Variants in KLHL26 observed in about 807,000 individuals in gnomAD.
KLHL26 encodes the protein kelch-like protein 26.
Under a neutral mutation model 7.1 loss-of-function variants are expected in KLHL26, and 4 were observed. That is an observed-to-expected ratio of 0.56 (90% CI 0.28 to 1.28). The LOEUF (loss-of-function observed/expected upper bound fraction) is 1.28. KLHL26 is among the 50% of genes most tolerant of loss of function. KLHL26 has a pLI of 0.11. For synonymous variants in KLHL26, 465 were observed against 414.1 expected (o/e 1.12, Z -1.49); for missense variants, 896 against 924.6 (o/e 0.97, Z 0.40).
In KLHL26 at chr19:18,668,123, G is replaced by C; in HGVS notation, c.726G>C (p.Pro242=). ...RWLQHDPARR[P]RASHVLCHIR... is the part of the protein sequence containing the mutation. Reference sequence around the variant, plus strand: ...TGCAGCATGACCCGGCCCGGCGGCCGCGCGCCAGCCACGTGCTCTGCCACA... The same window carrying C: ...TGCAGCATGACCCGGCCCGGCGGCCCCGCGCCAGCCACGTGCTCTGCCACA... Residue 242 remains proline (P), a synonymous_variant, in exon 3 of 3, where the codon CCG becomes CCC. Transcript: ENST00000300976. 1 of 1,599,230 alleles carries C rather than the reference G, an allele frequency of 6.3e-7. No homozygotes were observed. Among genetic ancestry groups the C allele is most frequent in the Non-Finnish European group, 8.5e-7 (1 of 1,177,996 alleles).
chr19:18,644,926 C>T (rs972550647), intron 1 of KLHL26, among the ~76,000 whole-genome samples: 40 of 152,144 alleles, frequency 2.6e-4, no homozygotes, highest in African/African-American at 9.2e-4. Context: ...GCTCCCCCAC[C>T]CCCGACCGCC....
intron 2 of KLHL26, among the ~76,000 whole-genome samples, chr19:18,665,061 T>G (rs1377267213): frequency 7.4e-6 from 1 of 134,912 alleles, no homozygotes; most frequent in Non-Finnish European, 1.6e-5. Context: ...ATCTGTTTTG[T>G]TTTTTTTTTT....
At chr19:18,642,343 G>GTGTGTGTGTA (rs1391122674) in intron 1 of KLHL26, among the ~76,000 whole-genome samples, 18 of 145,220 alleles carry the variant, frequency 1.2e-4, no homozygotes, top group Admixed American at 1.0e-3. Context: ...CACCTAGTGT[G>GTGTGTGTGTA]TGTGTGTGTG....
chr19:18,651,180 C>G (rs1401251437), intron 1 of KLHL26, among the ~76,000 whole-genome samples: 2 of 152,198 alleles, frequency 1.3e-5, no homozygotes, highest in Non-Finnish European at 2.9e-5. Flanking sequence ...TCTTTCAGCT[C>G]TGTCATCCCT....
In KLHL26 at chr19:18,668,772, G is replaced by T; in HGVS notation, c.1375G>T (p.Gly459Trp). 1 of 1,594,098 alleles carries T rather than the reference G, an allele frequency of 6.3e-7. No homozygotes were observed. The highest frequency in any genetic ancestry group is 8.5e-7 in the Non-Finnish European group (1 of 1,176,946). Residue 459 changes from glycine to tryptophan, a missense_variant, in exon 3 of 3, where the codon GGG (glycine) becomes TGG (tryptophan). By Grantham distance (184) the Gly-to-Trp change is radical (BLOSUM62 -2). Coordinates refer to ENST00000300976, the MANE Select transcript of KLHL26 (RefSeq NM_018316.3). ...CTGGGGCCATGCTGGGGCCGCCTCA[G>T]GGGGCCGCCTCTACATCTCGGGTGG... ...RTWGHAGAASGGRLYISGGYG... is the reference protein window; with the variant it reads ...RTWGHAGAASWGRLYISGGYG...
rs1473674807 is a variant in KLHL26, at chr19:18,656,780, G to A, written c.84-7481G>A. On this transcript the variant is annotated intron_variant, in intron 1 of 2. Coordinates refer to ENST00000300976, the MANE Select transcript of KLHL26 (RefSeq NM_018316.3). The surrounding 1 kb of genome is among the most constrained non-coding windows in gnomAD (Gnocchi z 4.4). Reference sequence around the variant, plus strand: ...GGGTGGCTCTGACCCTGCCTGGCCTGCCCAGCACGCCTGCCCTCCCAGCAC... The same window carrying A: ...GGGTGGCTCTGACCCTGCCTGGCCTACCCAGCACGCCTGCCCTCCCAGCAC... 1.3e-5 allele frequency among the ~76,000 whole-genome samples: 2 copies of A among 151,844 alleles called. No homozygotes were observed. The highest frequency in any genetic ancestry group is 6.6e-5 in the Admixed American group (1 of 15,258).
chr19:18,641,762 G>A (rs1005182716), intron 1 of KLHL26, among the ~76,000 whole-genome samples: 4 of 151,630 alleles, frequency 2.6e-5, no homozygotes, highest in African/African-American at 9.7e-5. Flanking sequence ...CCGAGTAGCT[G>A]GGATTACAGG....
rs34034254 is a variant in KLHL26, at chr19:18,639,403, G to GTTT, written c.83+2290_83+2292dup. ...TTCACTCATTTTAATTTATCATTAA[G>GTTT]TTTTTTTTTTTTTTTTTTTTTTTTT... On this transcript the variant is annotated intron_variant, in intron 1 of 2. Transcript: ENST00000300976. Among the ~76,000 whole-genome samples the GTTT allele has an allele frequency of 4.5e-3, 321 of 71,234 alleles. 35 individuals carry two copies. The highest frequency in any genetic ancestry group is 0.015 in the South Asian group (27 of 1,834). 46.7% of individuals were successfully genotyped at this position (71,234 alleles called of 152,430 possible). A position where few individuals can be genotyped will look rare whatever the true frequency, so the allele number is the denominator to read the frequency against.
chr19:18,662,097 T>C (rs2052397301), intron 1 of KLHL26, among the ~76,000 whole-genome samples: 1 of 152,174 alleles, frequency 6.6e-6, no homozygotes, highest in South Asian at 2.1e-4. Flanking sequence ...ATGGTAAATA[T>C]GCTCCTAAGG....
At position 18,646,634 on chromosome 19, in the gene KLHL26, G is replaced by A. The variant is rs1240982226; in HGVS notation, c.83+9497G>A. On this transcript the variant is annotated intron_variant, in intron 1 of 2. Transcript: ENST00000300976. This position sits in a 1 kb window ranked among gnomAD's most constrained non-coding sequence, Gnocchi z 5.0. ...AGGTGGGGGGTGTCTGGGAGGAAACGAGTGGGGAGAGGTCACATGTACCTC... is the reference window on the plus strand; with the variant it reads ...AGGTGGGGGGTGTCTGGGAGGAAACAAGTGGGGAGAGGTCACATGTACCTC... Among the ~76,000 whole-genome samples, 2 of 152,206 alleles carry A rather than the reference G, an allele frequency of 1.3e-5. No individual in the cohort carries two copies. The highest frequency in any genetic ancestry group is 4.8e-5 in the African/African-American group (2 of 41,444).
chr19:18,667,455 G>A (rs1406534075), intron 2 of KLHL26: 1 of 746,720 alleles, frequency 1.3e-6, no homozygotes, highest in Non-Finnish European at 2.1e-6. Context: ...CCACCCGCCT[G>A]GGCTTCCCAA....
chr19:18,656,678 C>T lies in KLHL26; in HGVS notation c.84-7583C>T, dbSNP rs1180757531. On this transcript the variant is annotated intron_variant, in intron 1 of 2. Coordinates refer to ENST00000300976, the MANE Select transcript of KLHL26 (RefSeq NM_018316.3). This position sits in a 1 kb window ranked among gnomAD's most constrained non-coding sequence, Gnocchi z 4.4. ...TTGGGCCAACAGGCGCAACTCACGGCGAGCCCTGTCTGCCTCAGTAGCGCG... is the reference window on the plus strand; with the variant it reads ...TTGGGCCAACAGGCGCAACTCACGGTGAGCCCTGTCTGCCTCAGTAGCGCG... Among the ~76,000 whole-genome samples the T allele has an allele frequency of 2.9e-5, 4 of 139,280 alleles. No homozygotes were observed. The highest frequency in any genetic ancestry group is 4.6e-5 in the Non-Finnish European group (3 of 65,308). 91.4% of individuals were successfully genotyped at this position (139,280 alleles called of 152,430 possible). A position where few individuals can be genotyped will look rare whatever the true frequency, so the allele number is the denominator to read the frequency against.
At chr19:18,663,396 C>T (rs562017639) in intron 1 of KLHL26, among the ~76,000 whole-genome samples, 28 of 152,304 alleles carry the variant, frequency 1.8e-4, no homozygotes, top group African/African-American at 6.7e-4. Flanking sequence ...CACTGTGTGC[C>T]CTGTGTTTGA....
intron 1 of KLHL26, among the ~76,000 whole-genome samples, chr19:18,637,837 A>T (rs1203612997): frequency 6.6e-6 from 1 of 152,154 alleles, no homozygotes; most frequent in Non-Finnish European, 1.5e-5. Context: ...CCAACAGGCT[A>T]AAGGACTTAC....
At chr19:18,652,500 G>A (rs2052271209) in intron 1 of KLHL26, among the ~76,000 whole-genome samples, 1 of 149,304 alleles carries the variant, frequency 6.7e-6, no homozygotes, top group Non-Finnish European at 1.5e-5. Context: ...TGAGGCAGGA[G>A]AATTACTTGA....
In KLHL26 at chr19:18,638,821, C is replaced by A. The variant is rs375397873; in HGVS notation, c.83+1684C>A. On this transcript the variant is annotated intron_variant, in intron 1 of 2. Transcript: ENST00000300976. ...ACTCAAGTGATCCTCCCACCTCAGC[C>A]TCCTGAGTAGCTGGGACTACAGGTG... Among the ~76,000 whole-genome samples, 39 of 152,278 alleles carry A rather than the reference C, an allele frequency of 2.6e-4. 1 individual carries two copies. The highest frequency in any genetic ancestry group is 8.9e-4 in the African/African-American group (37 of 41,544).
intron 1 of KLHL26, among the ~76,000 whole-genome samples, chr19:18,644,000 C>G (rs781449823): frequency 1.3e-5 from 2 of 152,186 alleles, no homozygotes; most frequent in Non-Finnish European, 2.9e-5. Context: ...ATTGTGCAAC[C>G]ATCACTGCTG....
intron 1 of KLHL26, among the ~76,000 whole-genome samples, chr19:18,640,243 C>CT (rs531016699): frequency 2.1e-4 from 32 of 150,852 alleles, no homozygotes; most frequent in East Asian, 1.4e-3. Flanking sequence ...GTTTAAATTT[C>CT]TTTTTTTTTG....
chr19:18,662,357 G>A (rs994180021), intron 1 of KLHL26, among the ~76,000 whole-genome samples: 3 of 152,224 alleles, frequency 2.0e-5, no homozygotes, highest in South Asian at 4.1e-4. Context: ...CCCAGAGCCC[G>A]AATGCACAAC....
Sources: allele counts gnomAD v4.1 joint callset (sites outside exome capture counted in the v4.1 genomes callset), GRCh38; gene constraint gnomAD v4.1.1; non-coding constraint Gnocchi (gnomAD v3.1); transcripts MANE v1.5; gene names NCBI Gene and HGNC (gene_info 2026-07-23, HGNC 2026-07-21).